HECTD4: variants seen among roughly 807,000 people sequenced by gnomAD.
The protein encoded by HECTD4 is HECT domain E3 ubiquitin protein ligase 4, also known as probable E3 ubiquitin-protein ligase HECTD4.
Under a neutral mutation model 471.5 loss-of-function variants are expected in HECTD4, and 114 were observed. The observed-to-expected ratio is 0.24, with a 90% CI of 0.21 to 0.28. The LOEUF (loss-of-function observed/expected upper bound fraction) is 0.28, where lower values mean the gene tolerates loss of function less well. Among genes scored for constraint, HECTD4 ranks in the 10% least tolerant of loss-of-function variants. The pLI, the probability that HECTD4 is intolerant of heterozygous loss-of-function variation, is 1.00. For missense variants in HECTD4, 3,866 were observed against 5,651.5 expected (o/e 0.68, Z 10.13); for synonymous variants, 2,012 against 2,256.0 (o/e 0.89, Z 3.07).
chr12:112,255,356 T>G (rs1175188528), intron 21 of HECTD4, among the ~76,000 whole-genome samples: 4 of 152,206 alleles, frequency 2.6e-5, no homozygotes, highest in Non-Finnish European at 5.9e-5. Flanking sequence ...TTTTCTTGCT[T>G]CCAGCTAAGG....
chr12:112,167,771 C>T (rs2031032327), intron 71 of HECTD4, 43 bp downstream of exon 71: 3 of 1,536,142 alleles, frequency 2.0e-6, no homozygotes, highest in Non-Finnish European at 1.8e-6. Context: ...CTGCGCAGGA[C>T]ATGAGCTCGG....
intron 1 of HECTD4, among the ~76,000 whole-genome samples, chr12:112,351,057 G>A (rs895333901): frequency 6.6e-5 from 10 of 152,120 alleles, no homozygotes; most frequent in Admixed American, 3.3e-4. Flanking sequence ...TGGCCACCTC[G>A]TTTCATATTC....
Position 112,184,114 on chromosome 12 carries a change from G to T in HECTD4, c.10779+73C>A. The T allele has an allele frequency of 1.4e-6, 2 of 1,386,682 alleles. No homozygotes were observed. The highest frequency in any genetic ancestry group is 9.9e-7 in the Non-Finnish European group (1 of 1,010,552). 85.9% of individuals were successfully genotyped at this position (1,386,682 alleles called of 1,614,324 possible). ...CCATTACCTACTAGGAAATAACTTT[G>T]GAAGATTTAAAGAGGCTTGGGGGAT... On this transcript the variant is annotated intron_variant, in intron 61 of 75. Coordinates refer to ENST00000682272, the MANE Select transcript of HECTD4 (RefSeq NM_001388303.1). The surrounding 1 kb of genome is among the most constrained non-coding windows in gnomAD (Gnocchi z 9.1).
chr12:112,230,871 C>A, intron 39 of HECTD4, 49 bp from the exon 40 acceptor site: 1 of 1,561,774 alleles, frequency 6.4e-7, no homozygotes, highest in East Asian at 2.3e-5. Flanking sequence ...ATGGTTAAGA[C>A]TGCAGGGAAG....
intron 69 of HECTD4, chr12:112,170,098 A>G: frequency 1.7e-6 from 1 of 593,010 alleles, no homozygotes; most frequent in South Asian, 2.0e-5. Flanking sequence ...AGCCTGCCCC[A>G]CCTGACCCCA....
chr12:112,217,827 A>C (rs1331513777), intron 45 of HECTD4, among the ~76,000 whole-genome samples: 1 of 152,166 alleles, frequency 6.6e-6, no homozygotes, highest in African/African-American at 2.4e-5. Context: ...TGCATGACTT[A>C]ATATTCAGCT....
In HECTD4 at chr12:112,244,549, T is replaced by C. The variant is rs909818673; in HGVS notation, c.4514-540A>G. Among the ~76,000 whole-genome samples, 4 of 152,178 alleles carry C rather than the reference T, an allele frequency of 2.6e-5. No individual in the cohort carries two copies. The East Asian group carries it at 5.8e-4, about 22-fold the overall frequency. Reference sequence around the variant, plus strand: ...ACGCCCAGGTAACCTCTGTATTTTTTTAGTAGAGACGGGGTTTCGCCATGT... The same window carrying C: ...ACGCCCAGGTAACCTCTGTATTTTTCTAGTAGAGACGGGGTTTCGCCATGT... On this transcript the variant is annotated intron_variant, in intron 29 of 75. Transcript: ENST00000682272.
rs532642161 is a variant in HECTD4 at position 112,229,769 on chromosome 12, G to A, written c.6448C>T (p.Arg2150Cys). The A allele has an allele frequency of 5.6e-5, 91 of 1,613,896 alleles. No homozygotes were observed. Among genetic ancestry groups the A allele is most frequent in the African/African-American group, 2.5e-4 (19 of 74,932 alleles). ...GCACACAGTGCGGCAACGGCCTGGC[G>A]TGCAATTCTCTGAAGTTTGGCAAGT... ...RKLAKLQRIA[R>C]QAVAALCALG... Residue 2150 changes from arginine to cysteine, a missense_variant, in exon 41 of 76, where the codon CGC becomes TGC. This residue lies in a region of HECTD4 where 617 missense variants were observed against 915.1 expected (regional missense o/e 0.67). Coordinates refer to ENST00000682272, the MANE Select transcript of HECTD4 (RefSeq NM_001388303.1).
chr12:112,360,175 CA>C (rs1032492112), intron 1 of HECTD4, among the ~76,000 whole-genome samples: 5 of 152,234 alleles, frequency 3.3e-5, no homozygotes, highest in African/African-American at 1.2e-4. Flanking sequence ...GCAAAAGAGT[CA>C]GGGGCAGTAG....
chr12:112,357,981 T>C (rs1470820821), intron 1 of HECTD4, among the ~76,000 whole-genome samples: 11 of 152,286 alleles, frequency 7.2e-5, no homozygotes, highest in Non-Finnish European at 2.9e-5. Context: ...GGCAGGCGGA[T>C]CACTTGAGGT....
At chr12:112,362,093 C>G (rs77789599) in intron 1 of HECTD4, among the ~76,000 whole-genome samples, 1 of 152,146 alleles carries the variant, frequency 6.6e-6, no homozygotes, top group Non-Finnish European at 1.5e-5. Flanking sequence ...AGACTTGCAA[C>G]CAGAGGGCCT....
At chr12:112,324,084 T>G (rs150769226) in intron 1 of HECTD4, among the ~76,000 whole-genome samples, 4 of 85,488 alleles carry the variant, frequency 4.7e-5, no homozygotes, top group African/African-American at 2.9e-4. Flanking sequence ...CTTTCTTTCT[T>G]TCTTTCTTTC....
intron 29 of HECTD4, among the ~76,000 whole-genome samples, chr12:112,245,469 T>C (rs1025986277): frequency 2.0e-5 from 3 of 152,196 alleles, no homozygotes; most frequent in Admixed American, 1.3e-4. Flanking sequence ...CAAGGGCTTA[T>C]GTGTATAGCA....
chr12:112,301,399 G>A (rs752990721), intron 7 of HECTD4, among the ~76,000 whole-genome samples: 2 of 151,998 alleles, frequency 1.3e-5, no homozygotes, highest in Non-Finnish European at 2.9e-5. Context: ...GGCCAGGCTG[G>A]TCTCGAACTG....
At chr12:112,265,514 A>G (rs2135609086) in intron 15 of HECTD4, among the ~76,000 whole-genome samples, 1 of 152,358 alleles carries the variant, frequency 6.6e-6, no homozygotes, top group African/African-American at 2.4e-5. Flanking sequence ...TTTATAAATA[A>G]CATATAAAAA....
At chr12:112,290,166 C>T (rs1235655862) in intron 7 of HECTD4, among the ~76,000 whole-genome samples, 1 of 151,894 alleles carries the variant, frequency 6.6e-6, no homozygotes, top group Non-Finnish European at 1.5e-5. Flanking sequence ...ACAAAACATA[C>T]CAAAATTAGC....
intron 27 of HECTD4, 62 bp downstream of exon 27, chr12:112,248,005 C>CAG: frequency 9.0e-7 from 1 of 1,112,262 alleles, no homozygotes; most frequent in African/African-American, 1.5e-5. Context: ...CACACACACA[C>CAG]AGTATATACC....
rs564146915 is a variant in HECTD4 at position 112,251,953 on chromosome 12, G to C, written c.3552+471C>G. Among the ~76,000 whole-genome samples, 11 of 152,198 alleles carry C rather than the reference G, an allele frequency of 7.2e-5. No homozygotes were observed. The South Asian group carries it at 1.9e-3, about 26-fold the overall frequency. On this transcript the variant is annotated intron_variant, in intron 23 of 75. Coordinates refer to ENST00000682272, the MANE Select transcript of HECTD4 (RefSeq NM_001388303.1). ...CATCTGGCTAATTTTTGTATTTTTAGTAGAGACGGGGTTTCACCAAGTTGG... is the reference window on the plus strand; with the variant it reads ...CATCTGGCTAATTTTTGTATTTTTACTAGAGACGGGGTTTCACCAAGTTGG...
In HECTD4 at chr12:112,200,786, C is replaced by T; in HGVS notation, c.8419G>A (p.Val2807Met). 4 of 1,612,294 alleles carry T rather than the reference C, an allele frequency of 2.5e-6. No individual in the cohort carries two copies. The highest frequency in any genetic ancestry group is 3.4e-6 in the Non-Finnish European group (4 of 1,178,872). Reference protein sequence around the residue: ...VLDVDSVNELVQVETYLRSEG... With the variant: ...VLDVDSVNELMQVETYLRSEG... ...CTGCGGAGGTACGTTTCTACCTGCA[C>T]CAGTTCATTCACCTACAATAGGAAA... The change falls in exon 55 of 76, where the codon GTG (valine) becomes ATG (methionine). Residue 2807 changes from valine to methionine, a missense_variant. Around this residue, in one of 16 missense-constraint regions of HECTD4, gnomAD observed 266 missense variants for 441.6 expected, o/e 0.60. Transcript: ENST00000682272.
Sources: allele counts gnomAD v4.1 joint callset (sites outside exome capture counted in the v4.1 genomes callset), GRCh38; gene constraint gnomAD v4.1.1; regional missense constraint gnomAD v4.1.1; non-coding constraint Gnocchi (gnomAD v3.1); transcripts MANE v1.5; gene names NCBI Gene and HGNC (gene_info 2026-07-23, HGNC 2026-07-21).